Variants in ERMP1 observed in about 807,000 individuals in gnomAD.
The protein encoded by ERMP1 is endoplasmic reticulum metallopeptidase 1.
Under a neutral mutation model 92.0 loss-of-function variants are expected in ERMP1, and 86 were observed. The observed-to-expected ratio is 0.93, with a 90% confidence interval of 0.79 to 1.12. ERMP1 has a LOEUF of 1.12. Among genes scored for constraint, ERMP1 ranks in the 50% most tolerant of loss-of-function variants. ERMP1 has a pLI of 0.00. For missense variants in ERMP1, 1,342 were observed against 1,116.3 expected (o/e 1.20, Z -2.88); for synonymous variants, 530 against 412.8 (o/e 1.28, Z -3.44).
intron 8 of ERMP1, among the ~76,000 whole-genome samples, chr9:5,808,632 T>C (rs547634841): frequency 2.0e-5 from 3 of 152,040 alleles, no homozygotes; most frequent in South Asian, 4.1e-4. Context: ...TAGGCTTACA[T>C]GGAGCTAAGA....
intron 11 of ERMP1, among the ~76,000 whole-genome samples, chr9:5,800,412 C>A (rs1174257193): frequency 6.6e-6 from 1 of 152,172 alleles, no homozygotes; most frequent in Non-Finnish European, 1.5e-5. Context: ...TGGTGGCTCA[C>A]ACCTGTAATC....
At chr9:5,824,682 T>A (rs2129649692) in intron 3 of ERMP1, among the ~76,000 whole-genome samples, 1 of 152,172 alleles carries the variant, frequency 6.6e-6, no homozygotes, top group South Asian at 2.1e-4. Flanking sequence ...ATTATAGGCA[T>A]GAGCCAGCGT....
At chr9:5,832,539 G>C (rs1041974108) in intron 1 of ERMP1, 151 bp downstream of exon 1, 1 of 571,176 alleles carries the variant, frequency 1.8e-6, no homozygotes, top group African/African-American at 2.0e-5. Context: ...AGAAGGACAA[G>C]CAAGGTCACC....
At chr9:5,817,389 A>G (rs1829358596) in intron 4 of ERMP1, among the ~76,000 whole-genome samples, 1 of 150,698 alleles carries the variant, frequency 6.6e-6, no homozygotes, top group Non-Finnish European at 1.5e-5. Context: ...AGGGTTTCAC[A>G]ATGTTGGCCA....
intron 6 of ERMP1, among the ~76,000 whole-genome samples, chr9:5,846,716 G>A (rs949104141): frequency 1.4e-4 from 22 of 152,140 alleles, no homozygotes; most frequent in Admixed American, 1.2e-3. Context: ...CATAGCTCAG[G>A]TACTTTGCTA....
intron 13 of ERMP1, among the ~76,000 whole-genome samples, chr9:5,793,428 T>G (rs1341231996): frequency 3.3e-5 from 5 of 152,112 alleles, no homozygotes; most frequent in African/African-American, 1.2e-4. Context: ...TTAACTAATA[T>G]GGTAGCTATT....
chr9:5,805,809 G>C (rs1210934629), intron 8 of ERMP1, 24 bp from the exon 9 acceptor site: 1 of 1,565,176 alleles, frequency 6.4e-7, no homozygotes, highest in Non-Finnish European at 8.6e-7. Flanking sequence ...AAATATACAA[G>C]TAGTCTCATT....
At chr9:5,829,103 C>T (rs144685971) in intron 2 of ERMP1, among the ~76,000 whole-genome samples, 4 of 151,262 alleles carry the variant, frequency 2.6e-5, no homozygotes, top group Non-Finnish European at 5.9e-5. Context: ...AAAAATCAGC[C>T]GAGTGTGGTG....
intron 6 of ERMP1, among the ~76,000 whole-genome samples, chr9:5,857,013 G>A (rs1025150959): frequency 6.6e-6 from 1 of 152,012 alleles, no homozygotes; most frequent in African/African-American, 2.4e-5. Context: ...AATGGACCAT[G>A]ACTTTTTTTT....
At chr9:5,824,500 T>A (rs188775689) in intron 3 of ERMP1, among the ~76,000 whole-genome samples, 1 of 152,278 alleles carries the variant, frequency 6.6e-6, no homozygotes, top group Non-Finnish European at 1.5e-5. Flanking sequence ...CGTTCCAGGT[T>A]CAAACGATTC....
At chr9:5,827,101 A>G (rs561283319) in intron 2 of ERMP1, among the ~76,000 whole-genome samples, 2 of 152,352 alleles carry the variant, frequency 1.3e-5, no homozygotes, top group African/African-American at 4.8e-5. Flanking sequence ...AGCAAACTCA[A>G]GAAGATAATT....
intron 13 of ERMP1, among the ~76,000 whole-genome samples, chr9:5,797,091 A>G (rs1052699298): frequency 6.6e-6 from 1 of 152,040 alleles, no homozygotes; most frequent in Admixed American, 6.5e-5. Flanking sequence ...CCCAGGTTGG[A>G]ATGCAGTGGT....
At chr9:5,787,373 G>A (rs1827987204) in intron 14 of ERMP1, 57 bp downstream of exon 14, 4 of 1,602,610 alleles carry the variant, frequency 2.5e-6, no homozygotes, top group South Asian at 1.1e-5. Context: ...CAAGGTTCTT[G>A]CTAAATACCA....
chr9:5,819,656 AC>A (rs766907691), intron 4 of ERMP1, among the ~76,000 whole-genome samples: 3 of 152,176 alleles, frequency 2.0e-5, no homozygotes, highest in Non-Finnish European at 2.9e-5. Flanking sequence ...TTACTATGGC[AC>A]ATGTATTCCT....
chr9:5,811,337 C>CA lies in ERMP1; in HGVS notation c.1115-15dup, dbSNP rs576879033. ...AAATGTTGTCACCTATTAGTAAAAACAAAAAAAAAAAGAAAGAAAAGGAAA... is the reference window on the plus strand; with the variant it reads ...AAATGTTGTCACCTATTAGTAAAAACAAAAAAAAAAAAGAAAGAAAAGGAAA... On this transcript the variant is annotated splice_polypyrimidine_tract_variant and intron_variant, in intron 6 of 14. Transcript: ENST00000339450. 0.023 allele frequency: 25,274 copies of CA among 1,076,780 alleles called. 1 individual carries two copies. Among genetic ancestry groups the CA allele is most frequent in the South Asian group, 0.027 (1,487 of 55,968 alleles). 66.7% of individuals were successfully genotyped at this position (1,076,780 alleles called of 1,614,324 possible). A position where few individuals can be genotyped will look rare whatever the true frequency, so the allele number is the denominator to read the frequency against.
intron 2 of ERMP1, 86 bp downstream of exon 2, chr9:5,830,641 C>T: frequency 3.7e-6 from 4 of 1,081,654 alleles, no homozygotes; most frequent in East Asian, 4.9e-5. Context: ...AAAATGGTCC[C>T]CACAATTGCC....
chr9:5,793,290 G>A (rs905747160), intron 13 of ERMP1, among the ~76,000 whole-genome samples: 2 of 151,786 alleles, frequency 1.3e-5, no homozygotes, highest in African/African-American at 4.8e-5. Flanking sequence ...AAATAGTAGT[G>A]TAACTGACAT....
At position 5,829,101 on chromosome 9, in the gene ERMP1, G is replaced by T. The variant is rs570754210; in HGVS notation, c.640+1626C>A. Among the ~76,000 whole-genome samples the T allele has an allele frequency of 5.3e-5, 8 of 151,828 alleles. No individual in the cohort carries two copies. In the South Asian group the frequency reaches 1.3e-3, roughly 24 times the overall value. On this transcript the variant is annotated intron_variant, in intron 2 of 14. Transcript: ENST00000339450. ...GCTGCCAAAAATACAAAAAAAATCA[G>T]CCGAGTGTGGTGGCACAGTAGGAGA...
intron 13 of ERMP1, among the ~76,000 whole-genome samples, chr9:5,796,697 G>C (rs995623446): frequency 6.6e-6 from 1 of 152,096 alleles, no homozygotes; most frequent in African/African-American, 2.4e-5. Context: ...ATAATAAAAA[G>C]ACCAATGGTT....
Sources: gnomAD v4.1 joint callset for allele counts (sites outside exome capture counted in the v4.1 genomes callset) on GRCh38, gnomAD v4.1.1 for gene constraint, MANE v1.5 for transcripts, NCBI Gene and HGNC (gene_info 2026-07-23, HGNC 2026-07-21) for gene names.